CUX2: variants seen among roughly 807,000 people sequenced by gnomAD.
CUX2 encodes the protein cut like homeobox 2, also known as homeobox protein cut-like 2.
Under a neutral mutation model 144.8 loss-of-function variants are expected in CUX2, and 40 were observed. The ratio of observed to expected loss-of-function variants is 0.28; its 90% CI spans 0.21 to 0.36. CUX2 has a LOEUF of 0.36. Among genes scored for constraint, CUX2 ranks in the 10% least tolerant of loss-of-function variants. The pLI is 1.00. For missense variants in CUX2, 1,615 were observed against 1,994.0 expected (o/e 0.81, Z 3.62); for synonymous variants, 827 against 875.6 (o/e 0.94, Z 0.98).
intron 3 of CUX2, among the ~76,000 whole-genome samples, chr12:111,244,791 C>T (rs1335257548): frequency 6.6e-6 from 1 of 152,132 alleles, no homozygotes; most frequent in Non-Finnish European, 1.5e-5. Flanking sequence ...AAACTCCTCT[C>T]CCCCAGGGTG....
intron 18 of CUX2, among the ~76,000 whole-genome samples, chr12:111,330,066 G>A (rs1182956280): frequency 2.0e-5 from 3 of 152,206 alleles, no homozygotes; most frequent in African/African-American, 4.8e-5. Context: ...GTTGGTAACA[G>A]TGAGCCTGGA....
chr12:111,114,976 C>T (rs1199373880), intron 1 of CUX2, among the ~76,000 whole-genome samples: 12 of 152,270 alleles, frequency 7.9e-5, no homozygotes, highest in Admixed American at 7.8e-4. Context: ...AAATGAGCAT[C>T]TAGGTGTGGA....
intron 1 of CUX2, among the ~76,000 whole-genome samples, chr12:111,058,345 G>T (rs190966239): frequency 6.9e-4 from 105 of 152,350 alleles, no homozygotes; most frequent in Admixed American, 4.1e-3. Flanking sequence ...CTTAAAAATT[G>T]TCTGATTGTA....
chr12:111,130,447 C>G (rs779115470), intron 1 of CUX2, among the ~76,000 whole-genome samples: 1 of 152,246 alleles, frequency 6.6e-6, no homozygotes, highest in Non-Finnish European at 1.5e-5. Flanking sequence ...CTGTCTGTTA[C>G]AGTGAGTGTC....
chr12:111,104,270 C>G (rs117793703), intron 1 of CUX2, among the ~76,000 whole-genome samples: 1 of 152,138 alleles, frequency 6.6e-6, no homozygotes, highest in African/African-American at 2.4e-5. Flanking sequence ...ACTCTTCCCC[C>G]CTCACATAGT....
At chr12:111,148,417 T>A (rs1876833924) in intron 1 of CUX2, among the ~76,000 whole-genome samples, 1 of 152,156 alleles carries the variant, frequency 6.6e-6, no homozygotes, top group African/African-American at 2.4e-5. Flanking sequence ...GTACAGGATT[T>A]CAATTTGGGA....
intron 18 of CUX2, among the ~76,000 whole-genome samples, chr12:111,325,288 C>T (rs1245482946): frequency 5.0e-5 from 7 of 139,252 alleles, no homozygotes; most frequent in South Asian, 2.4e-4. Flanking sequence ...AGCGAGACTC[C>T]GTCTCAAAAG....
At chr12:111,314,060 G>A (rs1401253544) in intron 16 of CUX2, among the ~76,000 whole-genome samples, 1 of 152,180 alleles carries the variant, frequency 6.6e-6, no homozygotes, top group East Asian at 1.9e-4. Context: ...GAGGGGTGAG[G>A]GGATAAGGGA....
chr12:111,089,057 G>A (rs1872409535), intron 1 of CUX2, among the ~76,000 whole-genome samples: 1 of 152,236 alleles, frequency 6.6e-6, no homozygotes, highest in Non-Finnish European at 1.5e-5. Flanking sequence ...TTTTACAGGT[G>A]AGGAGACTGA....
intron 1 of CUX2, among the ~76,000 whole-genome samples, chr12:111,074,401 G>A (rs1269894257): frequency 1.3e-5 from 2 of 152,042 alleles, no homozygotes; most frequent in Non-Finnish European, 2.9e-5. Context: ...AATTGTGAGG[G>A]CCACCCGCCT....
intron 4 of CUX2, among the ~76,000 whole-genome samples, chr12:111,281,197 C>T (rs1055278576): frequency 9.9e-5 from 15 of 152,202 alleles, no homozygotes; most frequent in Admixed American, 2.6e-4. Flanking sequence ...TTGGCATCTA[C>T]GTGCCACCTG....
chr12:111,079,764 T>A (rs1373901835), intron 1 of CUX2, among the ~76,000 whole-genome samples: 1 of 152,214 alleles, frequency 6.6e-6, no homozygotes, highest in Non-Finnish European at 1.5e-5. Flanking sequence ...CCTGTGTGCA[T>A]GTGTGTCCAG....
At chr12:111,158,472 TAA>T (rs781038202) in intron 1 of CUX2, among the ~76,000 whole-genome samples, 6 of 122,016 alleles carry the variant, frequency 4.9e-5, no homozygotes, top group Non-Finnish European at 7.0e-5. Flanking sequence ...TAATTTTTAT[TAA>T]AAAAAAAAAA....
intron 18 of CUX2, among the ~76,000 whole-genome samples, chr12:111,328,580 TTGTGTGTG>T (rs568983449): frequency 8.5e-4 from 115 of 135,852 alleles, no homozygotes; most frequent in African/African-American, 2.5e-3. Flanking sequence ...CCAATTTCTT[TTGTGTGTG>T]TGTGTGTGTG....
rs533504345 is a variant in CUX2 at position 111,283,850 on chromosome 12, G to A, written c.302-7568G>A. Among the ~76,000 whole-genome samples, 105 of 152,290 alleles carry A rather than the reference G, an allele frequency of 6.9e-4. 1 individual carries two copies. Among genetic ancestry groups the A allele is most frequent in the African/African-American group, 2.4e-3 (98 of 41,574 alleles). ...CTCCTAAAGTGCTGGGATTACAGGCGTGAGCCATGGTGCCCAGCCTGTGGT... is the reference window on the plus strand; with the variant it reads ...CTCCTAAAGTGCTGGGATTACAGGCATGAGCCATGGTGCCCAGCCTGTGGT... On this transcript the variant is annotated intron_variant, in intron 4 of 21. Coordinates refer to ENST00000261726, the MANE Select transcript of CUX2 (RefSeq NM_015267.4).
intron 3 of CUX2, among the ~76,000 whole-genome samples, chr12:111,236,162 A>G (rs955335722): frequency 2.6e-5 from 4 of 152,170 alleles, no homozygotes; most frequent in African/African-American, 9.7e-5. Context: ...CACATAGTAG[A>G]TGCTCAAGAA....
chr12:111,334,645 C>G lies in CUX2; in HGVS notation c.3131C>G (p.Ser1044Cys), dbSNP rs1327702853. The G allele has an allele frequency of 1.2e-6, 2 of 1,613,986 alleles. No individual in the cohort carries two copies. Among genetic ancestry groups the G allele is most frequent in the African/African-American group, 1.3e-5 (1 of 75,070 alleles). Reference protein sequence around the residue: ...PGGIQEIVAMSPELDTYSITK... With the variant: ...PGGIQEIVAMCPELDTYSITK... ...GGCATCCAGGAGATCGTGGCCATGT[C>G]CCCCGAGCTGGACACGTACTCCATC... The change falls in exon 19 of 22, where the codon TCC becomes TGC. Residue 1044 changes from serine (S) to cysteine (C), a missense_variant. Ser to Cys is a moderately radical substitution (Grantham distance 112, BLOSUM62 -1). This residue lies in a region of CUX2 where 128 missense variants were observed against 124.4 expected (regional missense o/e 1.03). Coordinates refer to ENST00000261726, the MANE Select transcript of CUX2 (RefSeq NM_015267.4).
intron 1 of CUX2, among the ~76,000 whole-genome samples, chr12:111,090,961 G>A (rs905224707): frequency 1.3e-5 from 2 of 152,154 alleles, no homozygotes; most frequent in African/African-American, 2.4e-5. Flanking sequence ...CCTACTGTGT[G>A]CCGAGGCTCC....
chr12:111,346,195 G>T (rs1378428020), intron 21 of CUX2, among the ~76,000 whole-genome samples: 1 of 149,132 alleles, frequency 6.7e-6, no homozygotes, highest in Admixed American at 6.7e-5. Context: ...AAATAAACAG[G>T]CTGGGTGCGG....
Sources: allele counts gnomAD v4.1 joint callset (sites outside exome capture counted in the v4.1 genomes callset), GRCh38; gene constraint gnomAD v4.1.1; regional missense constraint gnomAD v4.1.1; transcripts MANE v1.5; gene names NCBI Gene and HGNC (gene_info 2026-07-23, HGNC 2026-07-21).